Variants in ITFG1 observed in about 807,000 individuals in gnomAD.
The protein encoded by ITFG1 is integrin alpha FG-GAP repeat containing 1.
A neutral mutation model predicts 81.8 loss-of-function variants in ITFG1; 34 were observed. The ratio of observed to expected loss-of-function variants is 0.42; its 90% CI spans 0.32 to 0.55. ITFG1 has a LOEUF of 0.55. Ranked by LOEUF, ITFG1 falls within the 20% of genes least tolerant of loss-of-function variation. ITFG1 has a pLI of 0.17. For missense variants in ITFG1, 672 were observed against 755.4 expected (o/e 0.89, Z 1.29); for synonymous variants, 285 against 270.6 (o/e 1.05, Z -0.52).
intron 8 of ITFG1, among the ~76,000 whole-genome samples, chr16:47,322,891 T>G (rs1483773808): frequency 6.6e-6 from 1 of 152,214 alleles, no homozygotes; most frequent in Non-Finnish European, 1.5e-5. Context: ...TTGTGAATAC[T>G]TGGCCATCAG....
At chr16:47,260,432 T>G in intron 11 of ITFG1, 113 bp downstream of exon 11, 8 of 1,098,344 alleles carry the variant, frequency 7.3e-6, no homozygotes, top group Non-Finnish European at 1.1e-5. Context: ...CTTAATTAAC[T>G]CATTTGCTTT....
chr16:47,283,329 T>G (rs1187946805), intron 10 of ITFG1, among the ~76,000 whole-genome samples: 2 of 152,196 alleles, frequency 1.3e-5, no homozygotes, highest in Non-Finnish European at 2.9e-5. Flanking sequence ...CATCATTCTT[T>G]GAAGAGACTG....
chr16:47,244,946 C>T (rs1431982891), intron 12 of ITFG1, among the ~76,000 whole-genome samples: 1 of 152,108 alleles, frequency 6.6e-6, no homozygotes, highest in Admixed American at 6.6e-5. Flanking sequence ...TCTTTAACTT[C>T]CTAGCTTCTA....
At chr16:47,457,809 T>C (rs1567507095) in intron 2 of ITFG1, among the ~76,000 whole-genome samples, 1 of 152,190 alleles carries the variant, frequency 6.6e-6, no homozygotes, top group Non-Finnish European at 1.5e-5. Context: ...ATCACCTCTA[T>C]GCAGTTAGTT....
intron 6 of ITFG1, among the ~76,000 whole-genome samples, chr16:47,424,073 C>A (rs890503735): frequency 1.3e-5 from 2 of 152,196 alleles, no homozygotes; most frequent in Non-Finnish European, 2.9e-5. Flanking sequence ...ACCAATCAAA[C>A]GTAGGTTTGG....
intron 4 of ITFG1, 110 bp downstream of exon 4, chr16:47,452,623 C>T: frequency 2.9e-6 from 2 of 688,504 alleles, no homozygotes; most frequent in Non-Finnish European, 2.5e-6. Context: ...AGGTACAGGC[C>T]TCTGAGTGAA....
At chr16:47,272,952 G>C (rs1243258255) in intron 10 of ITFG1, among the ~76,000 whole-genome samples, 1 of 147,818 alleles carries the variant, frequency 6.8e-6, no homozygotes, top group Non-Finnish European at 1.5e-5. Context: ...ATCTTCAAAG[G>C]CTATAAAATT....
In ITFG1 at chr16:47,155,758, T is replaced by G; in HGVS notation, c.1800A>C (p.Lys600Asn). The change falls in exon 18 of 18, where the codon AAA becomes AAC. Residue 600 changes from lysine (K) to asparagine (N), a missense_variant. Physicochemically the swap from Lys to Asn is moderately conservative, Grantham distance 94. Around this residue, in one of 3 missense-constraint regions of ITFG1, gnomAD observed 65 missense variants for 103.3 expected, o/e 0.63. Transcript: ENST00000320640. ...AATGAAACCGGTGGGCTTCTTGTCG[T>G]TTTTCTCTATCATCTGCTTTCTGAA... ...WQEKKADDRE[K>N]RQEAHRFHFD... 1 of 1,608,546 alleles carries G rather than the reference T, an allele frequency of 6.2e-7. No homozygotes were observed.
chr16:47,231,619 A>G (rs1453270425), intron 13 of ITFG1, among the ~76,000 whole-genome samples: 1 of 152,194 alleles, frequency 6.6e-6, no homozygotes, highest in African/African-American at 2.4e-5. Flanking sequence ...AAATATTTGG[A>G]ACTTACTATC....
intron 6 of ITFG1, among the ~76,000 whole-genome samples, chr16:47,397,098 G>T (rs747822922): frequency 3.3e-5 from 5 of 152,174 alleles, no homozygotes; most frequent in Admixed American, 6.5e-5. Flanking sequence ...CAGATATTTC[G>T]GGGAGAAATA....
chr16:47,441,197 A>C (rs1969244810), intron 5 of ITFG1, among the ~76,000 whole-genome samples: 1 of 152,202 alleles, frequency 6.6e-6, no homozygotes, highest in African/African-American at 2.4e-5. Flanking sequence ...ACAGCTTACC[A>C]ACCAAAAAAA....
chr16:47,224,272 T>C (rs1965732031), intron 13 of ITFG1, among the ~76,000 whole-genome samples: 1 of 152,238 alleles, frequency 6.6e-6, no homozygotes, highest in African/African-American at 2.4e-5. Context: ...TGCAGCTGCC[T>C]GAGGCAGTGA....
intron 8 of ITFG1, among the ~76,000 whole-genome samples, chr16:47,339,522 A>G (rs1967752654): frequency 6.6e-6 from 1 of 152,220 alleles, no homozygotes; most frequent in African/African-American, 2.4e-5. Flanking sequence ...AATATCAATA[A>G]GGAGATTATA....
intron 12 of ITFG1, among the ~76,000 whole-genome samples, chr16:47,257,414 AC>A (rs567231143): frequency 3.9e-4 from 60 of 152,350 alleles, no homozygotes; most frequent in African/African-American, 1.3e-3. Flanking sequence ...TTAGGCATGC[AC>A]TTAACAAAAC....
chr16:47,225,529 TG>T (rs1299091173), intron 13 of ITFG1, among the ~76,000 whole-genome samples: 2 of 152,090 alleles, frequency 1.3e-5, no homozygotes, highest in African/African-American at 4.8e-5. Flanking sequence ...AGCCAAAGAT[TG>T]AATGTTGAAA....
At chr16:47,183,548 G>A (rs1041752977) in intron 14 of ITFG1, among the ~76,000 whole-genome samples, 24 of 152,266 alleles carry the variant, frequency 1.6e-4, no homozygotes, top group African/African-American at 5.1e-4. Context: ...GCACGGCCGG[G>A]TACTCCAACA....
intron 5 of ITFG1, among the ~76,000 whole-genome samples, chr16:47,437,814 G>A (rs967255883): frequency 3.3e-5 from 5 of 152,328 alleles, no homozygotes; most frequent in South Asian, 2.1e-4. Flanking sequence ...CTGAGGTACC[G>A]GGTACATCTC....
At chr16:47,328,471 T>G (rs886790912) in intron 8 of ITFG1, among the ~76,000 whole-genome samples, 1 of 151,852 alleles carries the variant, frequency 6.6e-6, no homozygotes, top group African/African-American at 2.4e-5. Context: ...TAAAGTATAA[T>G]AATAATAATA....
At chr16:47,225,776 C>T (rs954419850) in intron 13 of ITFG1, among the ~76,000 whole-genome samples, 2 of 152,014 alleles carry the variant, frequency 1.3e-5, no homozygotes, top group Non-Finnish European at 2.9e-5. Context: ...GCACACCTGA[C>T]TTGTAGGAAA....
Sources: allele counts gnomAD v4.1 joint callset (sites outside exome capture counted in the v4.1 genomes callset), GRCh38; gene constraint gnomAD v4.1.1; regional missense constraint gnomAD v4.1.1; transcripts MANE v1.5; gene names NCBI Gene and HGNC (gene_info 2026-07-23, HGNC 2026-07-21).